The following CEP152 variants were observed in gnomAD, a reference collection of about 807,000 sequenced individuals.
CEP152 encodes the protein centrosomal protein of 152 kDa.
Under a neutral mutation model 188.9 loss-of-function variants are expected in CEP152, and 132 were observed. The observed-to-expected ratio is 0.70, with a 90% CI of 0.61 to 0.81. The LOEUF is 0.81. Among genes scored for constraint, CEP152 ranks in the 30% least tolerant of loss-of-function variants. The probability of loss-of-function intolerance (pLI) is 0.00; values close to 1 mark genes in which losing one functional copy is unlikely to be tolerated. For synonymous variants in CEP152, 649 were observed against 666.6 expected (o/e 0.97, Z 0.41); for missense variants, 1,914 against 1,969.8 (o/e 0.97, Z 0.54).
intron 20 of CEP152, among the ~76,000 whole-genome samples, chr15:48,752,908 C>T (rs1893979845): frequency 6.6e-6 from 1 of 152,116 alleles, no homozygotes; most frequent in South Asian, 2.1e-4. Context: ...TTGAAAATAA[C>T]AGTTAAAAAT....
chr15:48,744,718 T>TTAAATGATATAAAACAAGATA (rs1288033613), intron 23 of CEP152, among the ~76,000 whole-genome samples, 178 bp downstream of exon 23: 31 of 152,112 alleles, frequency 2.0e-4, no homozygotes, highest in Admixed American at 2.6e-4. Context: ...AGAAAGAGGC[T>TTAAATGATATAAAACAAGATA]TAAATGATAT....
At chr15:48,756,837 C>G (rs1894316062) in intron 19 of CEP152, among the ~76,000 whole-genome samples, 1 of 152,036 alleles carries the variant, frequency 6.6e-6, no homozygotes, top group African/African-American at 2.4e-5. Flanking sequence ...TTTCATATTA[C>G]TTTTCTTAAT....
chr15:48,792,754 A>G (rs1361667211), intron 7 of CEP152, among the ~76,000 whole-genome samples: 1 of 152,172 alleles, frequency 6.6e-6, no homozygotes, highest in Non-Finnish European at 1.5e-5. Context: ...ACAGTTAAAT[A>G]ATGTTCAATG....
At chr15:48,760,049 G>A (rs1217637663) in intron 19 of CEP152, 86 bp downstream of exon 19, 1 of 1,548,122 alleles carries the variant, frequency 6.5e-7, no homozygotes, top group Non-Finnish European at 8.9e-7. Context: ...ACAATTCTAT[G>A]AGTAGGTACA....
chr15:48,807,366 T>C (rs1898047920), intron 1 of CEP152, among the ~76,000 whole-genome samples: 1 of 152,182 alleles, frequency 6.6e-6, no homozygotes, highest in African/African-American at 2.4e-5. Context: ...CTTAATATTC[T>C]ACAGAACACT....
chr15:48,742,144 G>C, intron 24 of CEP152, 44 bp from the exon 25 acceptor site: 1 of 1,588,598 alleles, frequency 6.3e-7, no homozygotes, highest in Non-Finnish European at 8.6e-7. Context: ...ATGTTTATTA[G>C]CACTTTTTCA....
chr15:48,768,960 T>C lies in CEP152; in HGVS notation c.1904A>G (p.Asn635Ser). The change falls in exon 14 of 27, where the codon AAT (asparagine) becomes AGT (serine). Residue 635 changes from asparagine (N) to serine (S), a missense_variant. Physicochemically the swap from Asn to Ser is conservative, Grantham distance 46 (BLOSUM62 1). Coordinates refer to ENST00000380950, the MANE Select transcript of CEP152 (RefSeq NM_001194998.2). ...ATAAAAAATATTTTTAATCACCTGA[T>C]TTTGTTGTTGTAAAACTTGAATTTC... ...KNEIQVLQQQ[N>S]QELKETEGKL... The C allele has an allele frequency of 6.6e-7, 1 of 1,526,314 alleles. No individual in the cohort carries two copies. The allele number at this position is 1,526,314 out of a possible 1,614,324, so 94.5% of individuals were successfully genotyped here. A position where few individuals can be genotyped will look rare whatever the true frequency, so the allele number is the denominator to read the frequency against.
chr15:48,772,656 G>C lies in CEP152; in HGVS notation c.1613C>G (p.Ser538Ter), dbSNP rs776054057. Residue 538 changes from serine to a stop codon, truncating the protein, a stop_gained, in exon 13 of 27, where the codon TCA becomes TGA. Transcript: ENST00000380950. LOFTEE classifies it high-confidence loss of function. ...VQEEDPNEELSKDEFILKLKA... is the reference protein window; with the variant it reads ...VQEEDPNEEL ...TAACTTCAGAATGAACTCATCTTTT[G>C]AAAGCTCTTCATTTGGGTCTTCTTC... 6 of 1,613,920 alleles carry C rather than the reference G, an allele frequency of 3.7e-6. No individual in the cohort carries two copies. In the African/African-American group the frequency reaches 8.0e-5, roughly 22 times the overall value.
intron 8 of CEP152, 119 bp downstream of exon 8, chr15:48,791,118 A>G: frequency 2.5e-6 from 2 of 814,304 alleles, no homozygotes; most frequent in Non-Finnish European, 3.8e-6. Flanking sequence ...AGGAAATTTA[A>G]GTTCTAATGC....
chr15:48,781,723 G>A lies in CEP152; in HGVS notation c.1414-364C>T, dbSNP rs535183660. ...CCAAGAACAGGTTGTACTTTAGCCT[G>A]CCGGTGGTGAAAAGGTGGAGGTAAT... On this transcript the variant is annotated intron_variant, in intron 11 of 26. Coordinates refer to ENST00000380950, the MANE Select transcript of CEP152 (RefSeq NM_001194998.2). Among the ~76,000 whole-genome samples the A allele has an allele frequency of 7.2e-5, 11 of 152,236 alleles. No homozygotes were observed. In the East Asian group the frequency reaches 2.1e-3, roughly 29 times the overall value.
At chr15:48,783,570 A>C (rs2140848983) in intron 10 of CEP152, among the ~76,000 whole-genome samples, 1 of 152,096 alleles carries the variant, frequency 6.6e-6, no homozygotes, top group South Asian at 2.1e-4. Context: ...ATGTTTTCAG[A>C]AATGCATTAC....
rs750203310 is a variant in CEP152, at chr15:48,744,339, A to C, written c.3736T>G (p.Leu1246Val). ...QTLCKTPPRS[L>V]SAGAIENACL... is the part of the protein sequence containing the mutation. ...GCATTTTCAATGGCCCCTGCTGACAATGACCTAAAAAACAAACCAAAGATT... is the reference window on the plus strand; with the variant it reads ...GCATTTTCAATGGCCCCTGCTGACACTGACCTAAAAAACAAACCAAAGATT... Residue 1246 changes from leucine to valine, a missense_variant, in exon 24 of 27, where the codon TTG (leucine) becomes GTG (valine). Transcript: ENST00000380950. 1 of 1,614,096 alleles carries C rather than the reference A, an allele frequency of 6.2e-7. No individual in the cohort carries two copies. The highest frequency in any genetic ancestry group is 8.5e-7 in the Non-Finnish European group (1 of 1,179,966).
At chr15:48,793,174 C>G (rs1897092922) in intron 7 of CEP152, 147 bp downstream of exon 7, 1 of 868,154 alleles carries the variant, frequency 1.2e-6, no homozygotes, top group East Asian at 2.7e-5. Flanking sequence ...ACTCAGAAAT[C>G]CTGGGTTTTG....
intron 20 of CEP152, among the ~76,000 whole-genome samples, chr15:48,752,775 G>T (rs1039282408): frequency 1.3e-5 from 2 of 152,174 alleles, no homozygotes; most frequent in Non-Finnish European, 2.9e-5. Context: ...AATGGTTTAC[G>T]TGATTAAACC....
chr15:48,805,690 A>G, intron 1 of CEP152, 34 bp from the exon 2 acceptor site: 2 of 1,612,996 alleles, frequency 1.2e-6, no homozygotes, highest in Non-Finnish European at 1.7e-6. Context: ...GTTTCTGGAC[A>G]CCACATAAAA....
In CEP152 at chr15:48,767,187, T is replaced by G; in HGVS notation, c.2153A>C (p.Glu718Ala). 1 of 1,613,752 alleles carries G rather than the reference T, an allele frequency of 6.2e-7. No homozygotes were observed. The highest frequency in any genetic ancestry group is 1.1e-5 in the South Asian group (1 of 91,084). Residue 718 changes from glutamate to alanine, a missense_variant, in exon 17 of 27, where the codon GAG (glutamate) becomes GCG (alanine). By Grantham distance (107) the Glu-to-Ala change is moderately radical (BLOSUM62 -1). Coordinates refer to ENST00000380950, the MANE Select transcript of CEP152 (RefSeq NM_001194998.2). ...CACCTCCTTATTCAACTTATCCAACTCAGACCTTGGATACACAAAACCAGC... is the reference window on the plus strand; with the variant it reads ...CACCTCCTTATTCAACTTATCCAACGCAGACCTTGGATACACAAAACCAGC... ...YERTHLQLRS[E>A]LDKLNKEVTA...
chr15:48,756,352 C>A lies in CEP152; in HGVS notation c.2896G>T (p.Glu966Ter). The A allele has an allele frequency of 3.2e-6, 5 of 1,574,998 alleles. No individual in the cohort carries two copies. The highest frequency in any genetic ancestry group is 4.3e-6 in the Non-Finnish European group (5 of 1,164,488). Reference protein sequence around the residue: ...ARSEWNKEKQEEIHRIQEQNE... With the variant: ...ARSEWNKEKQ ...TGTTCTTGGATTCTGTGGATTTCTT[C>A]TTGCTTTTCTTTGTTCCATTCACTC... Residue 966 changes from glutamate to a stop codon, truncating the protein, a stop_gained, in exon 20 of 27, where the codon GAA becomes TAA. Coordinates refer to ENST00000380950, the MANE Select transcript of CEP152 (RefSeq NM_001194998.2). LOFTEE classifies it high-confidence loss of function.
intron 9 of CEP152, among the ~76,000 whole-genome samples, chr15:48,787,163 G>GTTTTTTTTTTTTTTTTT (rs747436177): frequency 9.9e-6 from 1 of 101,500 alleles, no homozygotes; most frequent in African/African-American, 3.7e-5. Flanking sequence ...TATAGCCTTC[G>GTTTTTTTTTTTTTTTTT]TTTTTTTTTT....
At chr15:48,810,788 G>C (rs1898282981) in intron 1 of CEP152, 173 bp downstream of exon 1, 1 of 152,352 alleles carries the variant, frequency 6.6e-6, no homozygotes, top group Non-Finnish European at 1.5e-5. Context: ...GGAATGAAGA[G>C]GTCTAAATGA....
Sources: allele counts gnomAD v4.1 joint callset (sites outside exome capture counted in the v4.1 genomes callset), GRCh38; gene constraint gnomAD v4.1.1; transcripts MANE v1.5; gene names NCBI Gene and HGNC (gene_info 2026-07-23, HGNC 2026-07-21).